Variants in STAB2 observed in about 807,000 individuals in gnomAD.
STAB2 encodes stabilin 2.
Under a neutral mutation model 338.1 loss-of-function variants are expected in STAB2, and 288 were observed. The observed-to-expected ratio is 0.85, with a 90% CI of 0.77 to 0.94. The LOEUF (loss-of-function observed/expected upper bound fraction) is 0.94, where lower values mean the gene tolerates loss of function less well. Ranked by LOEUF, STAB2 falls within the 40% of genes least tolerant of loss-of-function variation. STAB2 has a pLI of 0.00. For synonymous variants in STAB2, 1,202 were observed against 1,193.3 expected (o/e 1.01, Z -0.15); for missense variants, 3,141 against 3,210.1 (o/e 0.98, Z 0.52).
At chr12:103,662,805 C>A (rs1479611985) in intron 17 of STAB2, 41 bp from the exon 18 acceptor site, 1 of 1,607,632 alleles carries the variant, frequency 6.2e-7, no homozygotes, top group Non-Finnish European at 8.5e-7. Context: ...TCCTGCAGTA[C>A]AGAATAGTAC....
chr12:103,725,999 G>A (rs1881171058), intron 45 of STAB2, 117 bp from the exon 46 acceptor site: 9 of 1,038,688 alleles, frequency 8.7e-6, no homozygotes, highest in Non-Finnish European at 1.2e-5. Flanking sequence ...GCTCCAAAAA[G>A]GCCCGGTGTT....
chr12:103,655,138 A>G (rs878982225), intron 13 of STAB2, 113 bp from the exon 14 acceptor site: 1 of 1,023,570 alleles, frequency 9.8e-7, no homozygotes, highest in Admixed American at 2.2e-5. Flanking sequence ...GTTCATTTAT[A>G]TAAATCCATA....
chr12:103,711,376 T>C lies in STAB2; in HGVS notation c.4289-95T>C, dbSNP rs1879838107. 3.9e-6 allele frequency: 6 copies of C among 1,527,626 alleles called. No homozygotes were observed. In the East Asian group the frequency reaches 1.1e-4, roughly 29 times the overall value. 94.6% of individuals were successfully genotyped at this position (1,527,626 alleles called of 1,614,324 possible). On this transcript the variant is annotated intron_variant, in intron 39 of 68. Transcript: ENST00000388887. ...ATATCGCTCACATGATACATATCACTTCCAAAGAAGTAGCTTTTCTGAGCA... is the reference window on the plus strand; with the variant it reads ...ATATCGCTCACATGATACATATCACCTCCAAAGAAGTAGCTTTTCTGAGCA...
intron 5 of STAB2, 145 bp downstream of exon 5, chr12:103,622,256 G>T (rs1957313625): frequency 2.5e-6 from 2 of 814,410 alleles, no homozygotes; most frequent in Non-Finnish European, 3.8e-6. Flanking sequence ...GTTTAATCGG[G>T]CAATGAACAA....
At chr12:103,613,563 C>T (rs899434455) in intron 3 of STAB2, among the ~76,000 whole-genome samples, 2 of 152,130 alleles carry the variant, frequency 1.3e-5, no homozygotes, top group Admixed American at 6.5e-5. Context: ...GGGGGTGACC[C>T]GATTTTCAAG....
chr12:103,661,860 T>G (rs1337191752), intron 17 of STAB2, among the ~76,000 whole-genome samples: 1 of 148,580 alleles, frequency 6.7e-6, no homozygotes. Context: ...GGGAGAAGAG[T>G]AGGAAAGGAG....
rs150285516 is a variant in STAB2 at position 103,715,917 on chromosome 12, G to C, written c.4611+29G>C. Reference sequence around the variant, plus strand: ...AGTGCCACCTCTCCCAGGCCCTTAGGTTTCCTAAAAGGGAACTCCTAGGTC... The same window carrying C: ...AGTGCCACCTCTCCCAGGCCCTTAGCTTTCCTAAAAGGGAACTCCTAGGTC... On this transcript the variant is annotated intron_variant, in intron 43 of 68. Transcript: ENST00000388887. The C allele has an allele frequency of 1.8e-3, 2,877 of 1,612,782 alleles. 81 individuals carry two copies. The Admixed American group carries it at 0.045, about 25-fold the overall frequency.
intron 5 of STAB2, among the ~76,000 whole-genome samples, chr12:103,628,858 C>T (rs760349469): frequency 2.6e-5 from 4 of 152,278 alleles, no homozygotes; most frequent in Non-Finnish European, 4.4e-5. Context: ...CAAAACTCAA[C>T]CCATGACAAT....
intron 43 of STAB2, 93 bp downstream of exon 43, chr12:103,715,981 C>T: frequency 1.5e-6 from 2 of 1,308,740 alleles, no homozygotes; most frequent in South Asian, 1.3e-5. Context: ...TGAGAACGGA[C>T]CTCTAAAGAG....
Position 103,739,410 on chromosome 12 carries a change from A to AG in STAB2, c.5701dup. 1 of 1,585,618 alleles carries AG rather than the reference A, an allele frequency of 6.3e-7. No individual in the cohort carries two copies. Among genetic ancestry groups the AG allele is most frequent in the Non-Finnish European group, 8.6e-7 (1 of 1,166,834 alleles). ...TCAAGTGTTTCTTTTCTTGCATACT[A>AG]GGGGGAGTGTGGGAGCTGTGTCAAT... On this transcript the variant is annotated splice_acceptor_variant, in intron 53 of 68. Coordinates refer to ENST00000388887, the MANE Select transcript of STAB2 (RefSeq NM_017564.10). LOFTEE classifies it high-confidence loss of function.
chr12:103,690,367 A>G lies in STAB2; in HGVS notation c.3183-57A>G, dbSNP rs899442287. On this transcript the variant is annotated intron_variant, in intron 29 of 68. Coordinates refer to ENST00000388887, the MANE Select transcript of STAB2 (RefSeq NM_017564.10). ...CAGAGCCTATTCTCTTAACTATTCA[A>G]TGATACAGCCCCATACATTTATATT... 33 of 1,413,430 alleles carry G rather than the reference A, an allele frequency of 2.3e-5. No individual in the cohort carries two copies. In the African/African-American group the frequency reaches 3.4e-4, roughly 15 times the overall value. 87.6% of individuals were successfully genotyped at this position (1,413,430 alleles called of 1,614,324 possible). A position where few individuals can be genotyped will look rare whatever the true frequency, so the allele number is the denominator to read the frequency against.
At chr12:103,749,932 G>A (rs947001144) in intron 59 of STAB2, among the ~76,000 whole-genome samples, 8 of 150,726 alleles carry the variant, frequency 5.3e-5, no homozygotes, top group African/African-American at 1.5e-4. Flanking sequence ...GTCCGTTCCT[G>A]GTTATAAAGG....
chr12:103,724,933 C>T, intron 44 of STAB2, 42 bp from the exon 45 acceptor site: 1 of 1,590,066 alleles, frequency 6.3e-7, no homozygotes, highest in Non-Finnish European at 8.6e-7. Context: ...GGCAAACTAA[C>T]TGGTCTAATC....
At chr12:103,624,128 A>C (rs779908089) in intron 5 of STAB2, among the ~76,000 whole-genome samples, 1 of 152,184 alleles carries the variant, frequency 6.6e-6, no homozygotes, top group Non-Finnish European at 1.5e-5. Context: ...TCCCACCCCC[A>C]TAAGTTTGCA....
Position 103,655,725 on chromosome 12 carries a change from C to T in STAB2, c.1734+144C>T. 4 of 966,346 alleles carry T rather than the reference C, an allele frequency of 4.1e-6. No homozygotes were observed. In the East Asian group the frequency reaches 8.0e-5, roughly 19 times the overall value. 59.9% of individuals were successfully genotyped at this position (966,346 alleles called of 1,614,324 possible). A position where few individuals can be genotyped will look rare whatever the true frequency, so the allele number is the denominator to read the frequency against. On this transcript the variant is annotated intron_variant, in intron 15 of 68. Transcript: ENST00000388887. ...CCTCCAACAACCAAGGCAGGCATCACTAATCAATCACAACATTCTGGAACT... is the reference window on the plus strand; with the variant it reads ...CCTCCAACAACCAAGGCAGGCATCATTAATCAATCACAACATTCTGGAACT...
intron 5 of STAB2, 111 bp from the exon 6 acceptor site, chr12:103,631,487 T>A: frequency 1.9e-6 from 2 of 1,030,982 alleles, no homozygotes; most frequent in African/African-American, 1.6e-5. Flanking sequence ...GGAGCCAAAG[T>A]TCAAACAACA....
chr12:103,614,675 C>T (rs1419974103), intron 3 of STAB2, among the ~76,000 whole-genome samples: 1 of 152,178 alleles, frequency 6.6e-6, no homozygotes, highest in African/African-American at 2.4e-5. Context: ...TTCTGAAGCA[C>T]CAGAAACATT....
intron 5 of STAB2, among the ~76,000 whole-genome samples, chr12:103,629,103 G>GA (rs988424109): frequency 3.3e-5 from 5 of 152,136 alleles, no homozygotes; most frequent in Admixed American, 1.3e-4. Context: ...TAATAGGGGA[G>GA]AAAAAATACA....
Position 103,763,599 on chromosome 12 carries a change from C to T in STAB2, c.7596C>T (p.Asp2532=). Residue 2532 remains aspartate (D), a synonymous_variant, in exon 68 of 69, where the codon GAC becomes GAT. Transcript: ENST00000388887. ...TTSAPPEPSY[D]PFTDSEERQL... ...CAGCTCCCCCAGAACCTTCCTACGA[C>T]CCCTTCACGGTGAGTTTGCATTCTT... The T allele has an allele frequency of 6.2e-7, 1 of 1,613,792 alleles. No homozygotes were observed. The highest frequency in any genetic ancestry group is 8.5e-7 in the Non-Finnish European group (1 of 1,179,776).
Sources: allele counts gnomAD v4.1 joint callset (sites outside exome capture counted in the v4.1 genomes callset), GRCh38; gene constraint gnomAD v4.1.1; transcripts MANE v1.5; gene names NCBI Gene and HGNC (gene_info 2026-07-23, HGNC 2026-07-21).